The following SLIT2 variants were observed in gnomAD, a reference collection of about 807,000 sequenced individuals.
SLIT2 encodes slit homolog 2 protein.
A neutral mutation model predicts 185.7 loss-of-function variants in SLIT2; 41 were observed. The ratio of observed to expected loss-of-function variants is 0.22; its 90% confidence interval spans 0.17 to 0.29. The LOEUF is 0.29. SLIT2 is among the 10% of genes least tolerant of loss of function. The pLI, the probability that SLIT2 is intolerant of heterozygous loss-of-function variation, is 1.00. For missense variants in SLIT2, 1,571 were observed against 1,909.0 expected (o/e 0.82, Z 3.30); for synonymous variants, 693 against 680.2 (o/e 1.02, Z -0.29).
intron 3 of SLIT2, among the ~76,000 whole-genome samples, chr4:20,267,646 C>T (rs1713172326): frequency 6.6e-6 from 1 of 151,744 alleles, no homozygotes; most frequent in Admixed American, 6.6e-5. Flanking sequence ...TTAGAAAGGT[C>T]TTCTGTATAA....
At chr4:20,518,676 C>T (rs1291664187) in intron 11 of SLIT2, among the ~76,000 whole-genome samples, 9 of 113,268 alleles carry the variant, frequency 7.9e-5, no homozygotes, top group African/African-American at 3.0e-4. Flanking sequence ...GCGATCTCGG[C>T]TCACTGCAAG....
At chr4:20,318,102 T>C (rs1269113639) in intron 4 of SLIT2, among the ~76,000 whole-genome samples, 1 of 152,178 alleles carries the variant, frequency 6.6e-6, no homozygotes, top group Non-Finnish European at 1.5e-5. Flanking sequence ...TTTTCTTTTG[T>C]CCATTTTATG....
chr4:20,589,337 A>G (rs1229175390), intron 29 of SLIT2, among the ~76,000 whole-genome samples: 1 of 152,138 alleles, frequency 6.6e-6, no homozygotes, highest in Non-Finnish European at 1.5e-5. Context: ...AAAATAAACA[A>G]CGCCATTGAA....
At chr4:20,567,489 C>T (rs1725193048) in intron 27 of SLIT2, 29 bp from the exon 28 acceptor site, 1 of 1,609,560 alleles carries the variant, frequency 6.2e-7, no homozygotes, top group South Asian at 1.1e-5. Context: ...AACTACTTCA[C>T]TCGACTATAC....
chr4:20,293,408 C>A (rs1716159680), intron 4 of SLIT2, among the ~76,000 whole-genome samples: 1 of 152,094 alleles, frequency 6.6e-6, no homozygotes, highest in African/African-American at 2.4e-5. Flanking sequence ...AAGATATTTG[C>A]AATGAATAGC....
At chr4:20,450,365 T>C (rs1042120205) in intron 4 of SLIT2, among the ~76,000 whole-genome samples, 2 of 152,254 alleles carry the variant, frequency 1.3e-5, no homozygotes, top group Non-Finnish European at 2.9e-5. Flanking sequence ...GTTTTTCTTA[T>C]ATTGGAATTT....
intron 4 of SLIT2, among the ~76,000 whole-genome samples, chr4:20,269,455 A>G (rs778216378): frequency 6.6e-6 from 1 of 151,888 alleles, no homozygotes; most frequent in Non-Finnish European, 1.5e-5. Flanking sequence ...AAAGGAAGTA[A>G]TTCCTTAAAG....
chr4:20,425,983 C>T (rs1728530778), intron 4 of SLIT2, among the ~76,000 whole-genome samples: 1 of 152,144 alleles, frequency 6.6e-6, no homozygotes, highest in South Asian at 2.1e-4. Context: ...GATTTGCTGT[C>T]ACCTTAGGAG....
chr4:20,553,634 A>C (rs908669290), intron 25 of SLIT2, among the ~76,000 whole-genome samples, 171 bp from the exon 26 acceptor site: 1 of 152,050 alleles, frequency 6.6e-6, no homozygotes, highest in Non-Finnish European at 1.5e-5. Flanking sequence ...CAGTGTCTCT[A>C]TTTTTTTGCT....
At position 20,252,057 on chromosome 4, in the gene SLIT2, G is replaced by T. The variant is rs781019463; in HGVS notation, c.-1759G>T. ...CTGCGAGGCATGGGAGCGCCGAAGC[G>T]CCCAGGCGCAGGCCGAAGCTGCCGC... On this transcript the variant is annotated 5_prime_UTR_variant, in exon 1 of 37. Coordinates refer to ENST00000504154, the MANE Select transcript of SLIT2 (RefSeq NM_004787.4). 3.9e-5 allele frequency among the ~76,000 whole-genome samples: 6 copies of T among 152,128 alleles called. No homozygotes were observed. The highest frequency in any genetic ancestry group is 7.4e-5 in the Non-Finnish European group (5 of 68,012).
intron 4 of SLIT2, among the ~76,000 whole-genome samples, chr4:20,313,353 T>C (rs1262172807): frequency 6.6e-6 from 1 of 152,098 alleles, no homozygotes; most frequent in Admixed American, 6.5e-5. Context: ...AGATGCCGTA[T>C]GTTTTTAAAC....
rs552851809 is a variant in SLIT2, at chr4:20,251,996, A to AGGC, written c.-1799_-1797dup. Among the ~76,000 whole-genome samples the AGGC allele has an allele frequency of 1.8e-3, 279 of 151,108 alleles. 1 individual carries two copies. Among genetic ancestry groups the AGGC allele is most frequent in the Middle Eastern group, 6.9e-3 (2 of 290 alleles). On this transcript the variant is annotated 5_prime_UTR_variant, in exon 1 of 37. Coordinates refer to ENST00000504154, the MANE Select transcript of SLIT2 (RefSeq NM_004787.4). The stretch of plus-strand genomic sequence containing the variant: ...CCGCAGACTGTGGTTAAAAAAAAGA[A>AGGC]GGCGGCGGCGGCGGCGGCGGCGGAG...
intron 4 of SLIT2, among the ~76,000 whole-genome samples, chr4:20,332,764 T>C (rs1035293314): frequency 6.6e-6 from 1 of 152,182 alleles, no homozygotes; most frequent in Non-Finnish European, 1.5e-5. Flanking sequence ...GTTGCATGAC[T>C]GTGATTTTCA....
chr4:20,517,117 A>G (rs139931443), intron 11 of SLIT2, among the ~76,000 whole-genome samples: 139 of 152,354 alleles, frequency 9.1e-4, no homozygotes, highest in African/African-American at 3.1e-3. Flanking sequence ...TCCACAATTT[A>G]TATACATCTT....
At chr4:20,458,123 C>G (rs956745009) in intron 4 of SLIT2, among the ~76,000 whole-genome samples, 1 of 150,468 alleles carries the variant, frequency 6.6e-6, no homozygotes, top group African/African-American at 2.5e-5. Context: ...TTAGAGTGAC[C>G]TCTCAAAAAG....
intron 4 of SLIT2, among the ~76,000 whole-genome samples, chr4:20,418,493 C>T (rs1322951916): frequency 6.6e-6 from 1 of 152,020 alleles, no homozygotes; most frequent in Non-Finnish European, 1.5e-5. Flanking sequence ...ATACTGAGGG[C>T]GGCCAATAGA....
intron 4 of SLIT2, among the ~76,000 whole-genome samples, chr4:20,416,755 G>T (rs967867558): frequency 1.8e-4 from 28 of 152,148 alleles, no homozygotes; most frequent in Non-Finnish European, 3.7e-4. Flanking sequence ...GAGCTAAATT[G>T]TTCTCACAAA....
At chr4:20,362,791 T>G (rs1314439325) in intron 4 of SLIT2, among the ~76,000 whole-genome samples, 1 of 152,020 alleles carries the variant, frequency 6.6e-6, no homozygotes, top group Non-Finnish European at 1.5e-5. Flanking sequence ...CTCAAAGACT[T>G]TGCTTTGTTG....
chr4:20,262,264 A>G (rs925772641), intron 3 of SLIT2, among the ~76,000 whole-genome samples: 7 of 151,800 alleles, frequency 4.6e-5, no homozygotes, highest in Non-Finnish European at 7.4e-5. Flanking sequence ...GCATACACAT[A>G]TCACTCCTAA....
Sources: allele counts gnomAD v4.1 joint callset (sites outside exome capture counted in the v4.1 genomes callset), GRCh38; gene constraint gnomAD v4.1.1; transcripts MANE v1.5; gene names NCBI Gene and HGNC (gene_info 2026-07-23, HGNC 2026-07-21).